The following ANKHD1 variants were observed in gnomAD, a reference collection of about 807,000 sequenced individuals.
The protein encoded by ANKHD1 is ankyrin repeat and KH domain-containing protein 1.
A neutral mutation model predicts 230.5 loss-of-function variants in ANKHD1; 31 were observed. The observed-to-expected ratio is 0.13, with a 90% confidence interval of 0.10 to 0.18. The LOEUF (loss-of-function observed/expected upper bound fraction) is 0.18, where lower values mean the gene tolerates loss of function less well. ANKHD1 is among the 10% of genes least tolerant of loss of function. The pLI is 1.00. For missense variants in ANKHD1, 2,256 were observed against 3,071.3 expected, an observed-to-expected ratio of 0.73 and a Z score of 6.27; for synonymous variants, 1,074 against 1,117.6, an observed-to-expected ratio of 0.96 and a Z score of 0.78.
chr5:140,445,448 G>T (rs1774206090), intron 5 of ANKHD1, among the ~76,000 whole-genome samples: 1 of 152,104 alleles, frequency 6.6e-6, no homozygotes, highest in African/African-American at 2.4e-5. Context: ...AGGTGGTAGT[G>T]AGCCAAGATC....
chr5:140,534,475 G>A (rs996848270), intron 29 of ANKHD1, among the ~76,000 whole-genome samples: 1 of 152,052 alleles, frequency 6.6e-6, no homozygotes, highest in African/African-American at 2.4e-5. Context: ...TTTTAAGGGA[G>A]ACAAAAATGT....
intron 6 of ANKHD1, 59 bp downstream of exon 6, chr5:140,446,034 G>A (rs1774253485): frequency 2.1e-6 from 3 of 1,441,036 alleles, no homozygotes; most frequent in Non-Finnish European, 2.8e-6. Context: ...GATTATTTGA[G>A]TATTGAGTAT....
intron 7 of ANKHD1, among the ~76,000 whole-genome samples, chr5:140,450,197 A>T (rs1161385031): frequency 6.6e-6 from 1 of 152,208 alleles, no homozygotes; most frequent in East Asian, 1.9e-4. Context: ...AAATAAGCTC[A>T]TCATTACACA....
rs1482243361 is a variant in ANKHD1, at chr5:140,528,545, A to G, written c.5599A>G (p.Ile1867Val). The G allele has an allele frequency of 6.2e-7, 1 of 1,614,158 alleles. No individual in the cohort carries two copies. Among genetic ancestry groups the G allele is most frequent in the Non-Finnish European group, 8.5e-7 (1 of 1,180,028 alleles). The change falls in exon 29 of 34, where the codon ATT (isoleucine) becomes GTT (valine). Residue 1867 changes from isoleucine to valine, a missense_variant. Physicochemically the swap from Ile to Val is conservative, Grantham distance 29. Around this residue, in one of 13 missense-constraint regions of ANKHD1, gnomAD observed 778 missense variants for 966.5 expected, o/e 0.80. Coordinates refer to ENST00000360839, the MANE Select transcript of ANKHD1 (RefSeq NM_017747.3). ...ALLAAQTMQQ[I>V]RHPRLPMAQF... is the part of the protein sequence containing the mutation. ...GCTGGCTGCTCAAACTATGCAACAG[A>G]TTCGGCATCCTCGCTTACCCATGGC...
chr5:140,514,297 C>G (rs1042956200), intron 24 of ANKHD1, among the ~76,000 whole-genome samples: 3 of 151,764 alleles, frequency 2.0e-5, no homozygotes, highest in South Asian at 2.1e-4. Flanking sequence ...GAGTTTGAGA[C>G]CAGCCTGGGC....
At chr5:140,489,366 T>C (rs1272432975) in intron 14 of ANKHD1, among the ~76,000 whole-genome samples, 7 of 152,214 alleles carry the variant, frequency 4.6e-5, no homozygotes, top group African/African-American at 1.4e-4. Flanking sequence ...TGCCTGTGCC[T>C]GTAGTCCCAG....
intron 1 of ANKHD1, among the ~76,000 whole-genome samples, chr5:140,427,580 G>A (rs1197292408): frequency 2.1e-5 from 3 of 144,756 alleles, no homozygotes; most frequent in Non-Finnish European, 3.0e-5. Flanking sequence ...CGGACGGGGC[G>A]GCTGGCCGGG....
At position 140,539,571 on chromosome 5, in the gene ANKHD1, A is replaced by G; in HGVS notation, c.*153A>G. 8 of 817,402 alleles carry G rather than the reference A, an allele frequency of 9.8e-6. No homozygotes were observed. The highest frequency in any genetic ancestry group is 1.5e-5 in the Non-Finnish European group (8 of 536,946). 50.6% of individuals were successfully genotyped at this position (817,402 alleles called of 1,614,324 possible). A position where few individuals can be genotyped will look rare whatever the true frequency, so the allele number is the denominator to read the frequency against. On this transcript the variant is annotated 3_prime_UTR_variant, in exon 34 of 34. Transcript: ENST00000360839. The stretch of plus-strand genomic sequence containing the variant: ...TTGTATAAGAACAAATTGATTTCCT[A>G]TCCACCTGATTATGTTCTCTGGTTA...
chr5:140,423,742 T>C (rs1165570197), intron 1 of ANKHD1, among the ~76,000 whole-genome samples: 12 of 152,214 alleles, frequency 7.9e-5, no homozygotes. Context: ...ACTGAACTCA[T>C]ACTTTCCCCT....
intron 29 of ANKHD1, among the ~76,000 whole-genome samples, chr5:140,533,524 G>C (rs1030320970): frequency 6.6e-6 from 1 of 152,010 alleles, no homozygotes; most frequent in Non-Finnish European, 1.5e-5. Context: ...GCGTGAACCC[G>C]GGAGGCGGAG....
Position 140,485,743 on chromosome 5 carries a change from A to G in ANKHD1, c.2142+11A>G, listed in dbSNP as rs1337273164. Reference sequence around the variant, plus strand: ...CAAGATCAGTCTCAGGTAAAGTAAAATGGAGCTTGTTTGTTAATATAAATA... The same window carrying G: ...CAAGATCAGTCTCAGGTAAAGTAAAGTGGAGCTTGTTTGTTAATATAAATA... On this transcript the variant is annotated intron_variant, in intron 13 of 33. Transcript: ENST00000360839. The surrounding 1 kb of genome is among the most constrained non-coding windows in gnomAD (Gnocchi z 4.8). 15 of 1,610,386 alleles carry G rather than the reference A, an allele frequency of 9.3e-6. No homozygotes were observed. Among genetic ancestry groups the G allele is most frequent in the Non-Finnish European group, 1.2e-5 (14 of 1,179,282 alleles).
At chr5:140,467,530 T>C (rs1346801131) in intron 10 of ANKHD1, among the ~76,000 whole-genome samples, 4 of 152,142 alleles carry the variant, frequency 2.6e-5, no homozygotes, top group Non-Finnish European at 4.4e-5. Flanking sequence ...CAGTGCACAA[T>C]GAGCATGCCT....
At chr5:140,438,724 C>T in intron 3 of ANKHD1, 107 bp downstream of exon 3, 1 of 1,391,098 alleles carries the variant, frequency 7.2e-7, no homozygotes, top group Non-Finnish European at 9.5e-7. Context: ...TAAACTTTAG[C>T]TGAAAGGATA....
In ANKHD1 at chr5:140,497,290, A is replaced by C; in HGVS notation, c.3004+12A>C. ...TGACCTGATAGCAGGTGGGTTAAGA[A>C]ATATATCTGTAATAATTTCTCTTTA... On this transcript the variant is annotated intron_variant, in intron 15 of 33. Transcript: ENST00000360839. 3.2e-6 allele frequency: 5 copies of C among 1,584,760 alleles called. No homozygotes were observed. Among genetic ancestry groups the C allele is most frequent in the Non-Finnish European group, 4.3e-6 (5 of 1,172,422 alleles).
At chr5:140,467,518 T>C (rs1057395234) in intron 10 of ANKHD1, among the ~76,000 whole-genome samples, 1 of 152,180 alleles carries the variant, frequency 6.6e-6, no homozygotes, top group South Asian at 2.1e-4. Context: ...AGTTAAAGGC[T>C]GCAGTGCACA....
rs777431980 is a variant in ANKHD1 at position 140,485,268 on chromosome 5, G to A, written c.1998+20G>A. On this transcript the variant is annotated intron_variant, in intron 12 of 33. Coordinates refer to ENST00000360839, the MANE Select transcript of ANKHD1 (RefSeq NM_017747.3). The surrounding 1 kb of genome is among the most constrained non-coding windows in gnomAD (Gnocchi z 4.8). Reference sequence around the variant, plus strand: ...CTCAAGGTAGTCTACTTAAAAATAAGTAAACAGGCTGTGTGCGGTGGCTCA... The same window carrying A: ...CTCAAGGTAGTCTACTTAAAAATAAATAAACAGGCTGTGTGCGGTGGCTCA... 2.5e-6 allele frequency: 4 copies of A among 1,602,218 alleles called. No individual in the cohort carries two copies. Among genetic ancestry groups the A allele is most frequent in the Non-Finnish European group, 3.4e-6 (4 of 1,171,188 alleles).
At chr5:140,444,984 A>T (rs967074111) in intron 5 of ANKHD1, among the ~76,000 whole-genome samples, 7 of 151,990 alleles carry the variant, frequency 4.6e-5, no homozygotes, top group African/African-American at 1.4e-4. Flanking sequence ...CCTCTAGAGG[A>T]GCAGGGACTA....
chr5:140,475,650 G>A (rs1639185188), intron 10 of ANKHD1, among the ~76,000 whole-genome samples: 1 of 152,138 alleles, frequency 6.6e-6, no homozygotes, highest in South Asian at 2.1e-4. Context: ...AAACTTGGAG[G>A]ACAACCTTCT....
intron 1 of ANKHD1, among the ~76,000 whole-genome samples, chr5:140,434,392 T>C (rs749385100): frequency 6.6e-6 from 1 of 150,504 alleles, no homozygotes; most frequent in Non-Finnish European, 1.5e-5. Flanking sequence ...GCTATACATA[T>C]TTGCATATTA....
Sources: allele counts gnomAD v4.1 joint callset (sites outside exome capture counted in the v4.1 genomes callset), GRCh38; gene constraint gnomAD v4.1.1; regional missense constraint gnomAD v4.1.1; non-coding constraint Gnocchi (gnomAD v3.1); transcripts MANE v1.5; gene names NCBI Gene and HGNC (gene_info 2026-07-23, HGNC 2026-07-21).